The following RBFOX1 variants were observed in gnomAD, a reference collection of about 807,000 sequenced individuals.
The protein encoded by RBFOX1 is RNA binding fox-1 homolog 1, also known as RNA binding protein fox-1 homolog 1.
A neutral mutation model predicts 57.7 loss-of-function variants in RBFOX1; 8 were observed. That is an observed-to-expected ratio of 0.14 (90% CI 0.08 to 0.25). RBFOX1 has a LOEUF of 0.25. RBFOX1 is among the 10% of genes least tolerant of loss of function. The pLI is 1.00. For missense variants in RBFOX1, 611 were observed against 548.5 expected, an observed-to-expected ratio of 1.11 and a Z score of -1.14; for synonymous variants, 326 against 222.4, an observed-to-expected ratio of 1.47 and a Z score of -4.15.
At chr16:7,075,789 C>T (rs2058181845) in intron 4 of RBFOX1, among the ~76,000 whole-genome samples, 1 of 152,090 alleles carries the variant, frequency 6.6e-6, no homozygotes, top group African/African-American at 2.4e-5. Flanking sequence ...ACCGTTTTAG[C>T]CAGGATGGTC....
chr16:7,020,601 G>T (rs752189306), intron 3 of RBFOX1, among the ~76,000 whole-genome samples: 8 of 152,146 alleles, frequency 5.3e-5, no homozygotes, highest in Non-Finnish European at 7.3e-5. Context: ...TTTTATCAAA[G>T]CAACCAGAAG....
intron 3 of RBFOX1, among the ~76,000 whole-genome samples, chr16:6,837,358 C>T (rs766802307): frequency 2.6e-5 from 4 of 152,162 alleles, no homozygotes; most frequent in African/African-American, 9.7e-5. Flanking sequence ...GAAGTGGAGT[C>T]AGAGTTCTTG....
chr16:7,297,247 G>A (rs1248551654), intron 4 of RBFOX1, among the ~76,000 whole-genome samples: 1 of 152,184 alleles, frequency 6.6e-6, no homozygotes, highest in Non-Finnish European at 1.5e-5. Flanking sequence ...TGTGAGGCTT[G>A]ATGTAAAGAC....
chr16:7,395,803 C>T (rs532015467), intron 4 of RBFOX1, among the ~76,000 whole-genome samples: 62 of 152,290 alleles, frequency 4.1e-4, no homozygotes, highest in Admixed American at 3.1e-3. Flanking sequence ...CCCTCAAAGA[C>T]TAGATTTTTG....
intron 1 of RBFOX1, among the ~76,000 whole-genome samples, chr16:5,383,021 T>G (rs938783692): frequency 1.3e-5 from 2 of 152,206 alleles, no homozygotes; most frequent in African/African-American, 2.4e-5. Context: ...ATTTCCTCCC[T>G]TGCTCACATG....
intron 4 of RBFOX1, among the ~76,000 whole-genome samples, chr16:7,139,070 C>G (rs532617867): frequency 6.6e-6 from 1 of 152,248 alleles, no homozygotes; most frequent in Non-Finnish European, 1.5e-5. Flanking sequence ...TCCCAAAGTG[C>G]TGGGATTACA....
intron 1 of RBFOX1, among the ~76,000 whole-genome samples, chr16:6,148,275 C>G (rs1267006880): frequency 6.6e-6 from 1 of 152,178 alleles, no homozygotes; most frequent in Non-Finnish European, 1.5e-5. Context: ...TGCAGTGAGC[C>G]AAGATAGCGC....
intron 3 of RBFOX1, among the ~76,000 whole-genome samples, chr16:6,863,602 ATCT>A (rs1391554130): frequency 6.8e-6 from 1 of 147,188 alleles, no homozygotes; most frequent in African/African-American, 2.5e-5. Flanking sequence ...CGCCATTTTT[ATCT>A]TCTTTGTCAG....
chr16:5,759,875 C>G (rs189922867), intron 3 of RBFOX1, among the ~76,000 whole-genome samples: 2 of 152,182 alleles, frequency 1.3e-5, no homozygotes, highest in African/African-American at 4.8e-5. Context: ...CTTGATCAAA[C>G]GGCCTTAATG....
chr16:6,644,177 C>T (rs995649732), intron 2 of RBFOX1, among the ~76,000 whole-genome samples: 4 of 152,272 alleles, frequency 2.6e-5, no homozygotes, highest in African/African-American at 9.6e-5. Context: ...TTAGTCTTAG[C>T]ATCTAAACTC....
At chr16:6,820,961 G>T (rs377623851) in intron 3 of RBFOX1, among the ~76,000 whole-genome samples, 1 of 152,128 alleles carries the variant, frequency 6.6e-6, no homozygotes, top group African/African-American at 2.4e-5. Flanking sequence ...ACCAGTTATT[G>T]AATTTGTATT....
chr16:6,122,760 C>T (rs140793815), intron 1 of RBFOX1, among the ~76,000 whole-genome samples: 10 of 151,446 alleles, frequency 6.6e-5, no homozygotes, highest in Non-Finnish European at 1.2e-4. Context: ...GTCATCCATT[C>T]TGCTGGGTTG....
At chr16:6,845,406 A>C (rs2141690534) in intron 3 of RBFOX1, among the ~76,000 whole-genome samples, 1 of 152,166 alleles carries the variant, frequency 6.6e-6, no homozygotes, top group South Asian at 2.1e-4. Context: ...ATGGCCAGAC[A>C]GTTGTCCCAG....
In RBFOX1 at chr16:6,019,928, C is replaced by G. The variant is rs1011349511; in HGVS notation, c.-191C>G. 2.0e-6 allele frequency: 3 copies of G among 1,534,534 alleles called. No individual in the cohort carries two copies. The highest frequency in any genetic ancestry group is 2.5e-5 in the East Asian group (1 of 40,808). ...TGAGTGTGGCTGGGGGTGCAGAGAGCGCACGGGAATTCGGGGGTCTGGGGC... is the reference window on the plus strand; with the variant it reads ...TGAGTGTGGCTGGGGGTGCAGAGAGGGCACGGGAATTCGGGGGTCTGGGGC... On this transcript the variant is annotated 5_prime_UTR_variant, in exon 1 of 16. Transcript: ENST00000550418. This position sits in a 1 kb window ranked among gnomAD's most constrained non-coding sequence, Gnocchi z 4.2.
intron 3 of RBFOX1, among the ~76,000 whole-genome samples, chr16:6,930,747 A>G (rs1211181583): frequency 1.3e-5 from 2 of 152,114 alleles, no homozygotes; most frequent in Admixed American, 1.3e-4. Context: ...ACATCTTTTT[A>G]TATGTTTATT....
chr16:7,411,230 C>T lies in RBFOX1; in HGVS notation c.28-106917C>T, dbSNP rs989174955. ...CAAAGTGCTGGGATTACAGCCACCACACCTGGCCAATCAACTTTGAATTCT... is the reference window on the plus strand; with the variant it reads ...CAAAGTGCTGGGATTACAGCCACCATACCTGGCCAATCAACTTTGAATTCT... On this transcript the variant is annotated intron_variant, in intron 4 of 15. Transcript: ENST00000550418. 4.0e-5 allele frequency among the ~76,000 whole-genome samples: 3 copies of T among 75,186 alleles called. No individual in the cohort carries two copies. In the South Asian group the frequency reaches 2.1e-3, roughly 52 times the overall value. The allele number at this position is 75,186 out of a possible 152,430, so 49.3% of individuals were successfully genotyped here.
At chr16:7,226,530 G>C (rs977440745) in intron 4 of RBFOX1, among the ~76,000 whole-genome samples, 15 of 152,316 alleles carry the variant, frequency 9.8e-5, no homozygotes, top group Middle Eastern at 3.4e-3. Flanking sequence ...CCTTGGGTCT[G>C]CCGTAACAAA....
intron 4 of RBFOX1, among the ~76,000 whole-genome samples, chr16:7,390,163 A>T (rs977437536): frequency 1.3e-5 from 2 of 152,150 alleles, no homozygotes; most frequent in Non-Finnish European, 2.9e-5. Context: ...CTCTATCAAA[A>T]GAACAGCAAG....
chr16:7,387,639 G>C (rs571000809), intron 4 of RBFOX1, among the ~76,000 whole-genome samples: 45 of 152,242 alleles, frequency 3.0e-4, no homozygotes, highest in Non-Finnish European at 6.2e-4. Flanking sequence ...CTGTGTGTTT[G>C]GAAGAAAGGT....
Sources: allele counts gnomAD v4.1 joint callset (sites outside exome capture counted in the v4.1 genomes callset), GRCh38; gene constraint gnomAD v4.1.1; non-coding constraint Gnocchi (gnomAD v3.1); transcripts MANE v1.5; gene names NCBI Gene and HGNC (gene_info 2026-07-23, HGNC 2026-07-21).